The following PPP1R9A variants were observed in gnomAD, a reference collection of about 807,000 sequenced individuals.
PPP1R9A encodes neurabin-1.
Under a neutral mutation model 141.9 loss-of-function variants are expected in PPP1R9A, and 59 were observed. That is an observed-to-expected ratio of 0.42 (90% CI 0.34 to 0.52). The LOEUF is 0.52. Among genes scored for constraint, PPP1R9A ranks in the 20% least tolerant of loss-of-function variants. The pLI, the probability that PPP1R9A is intolerant of heterozygous loss-of-function variation, is 0.10. For missense variants in PPP1R9A, 1,444 were observed against 1,611.9 expected (o/e 0.90, Z 1.78); for synonymous variants, 500 against 569.7 (o/e 0.88, Z 1.74).
chr7:95,146,230 T>G (rs1827585099), intron 4 of PPP1R9A, among the ~76,000 whole-genome samples: 1 of 152,232 alleles, frequency 6.6e-6, no homozygotes, highest in East Asian at 1.9e-4. Flanking sequence ...TGGTTTTGAT[T>G]TGCATTTCTC....
intron 2 of PPP1R9A, among the ~76,000 whole-genome samples, chr7:94,947,677 T>A (rs1796040276): frequency 6.6e-6 from 1 of 152,100 alleles, no homozygotes; most frequent in Non-Finnish European, 1.5e-5. Context: ...TGAGAAGAGT[T>A]CTAGTATATA....
intron 2 of PPP1R9A, among the ~76,000 whole-genome samples, chr7:94,974,647 T>TA (rs919247687): frequency 6.6e-6 from 1 of 152,158 alleles, no homozygotes; most frequent in Non-Finnish European, 1.5e-5. Flanking sequence ...GTTTCTCTTC[T>TA]AAAAAAACAT....
At chr7:95,237,319 C>G (rs1441759385) in intron 8 of PPP1R9A, among the ~76,000 whole-genome samples, 1 of 151,566 alleles carries the variant, frequency 6.6e-6, no homozygotes, top group East Asian at 1.9e-4. Context: ...CTTCGGCCTC[C>G]CAAGTAGCTG....
intron 7 of PPP1R9A, among the ~76,000 whole-genome samples, chr7:95,221,716 T>C (rs1375166578): frequency 6.6e-6 from 1 of 151,930 alleles, no homozygotes; most frequent in African/African-American, 2.4e-5. Context: ...GAGAAGGAAA[T>C]ATAAAAGAGG....
intron 2 of PPP1R9A, among the ~76,000 whole-genome samples, chr7:95,034,493 C>T (rs535972368): frequency 7.2e-5 from 11 of 152,072 alleles, no homozygotes; most frequent in Non-Finnish European, 1.6e-4. Context: ...CTCAGCCTCC[C>T]GAATAGCTGG....
chr7:94,971,953 C>CTT (rs1798899787), intron 2 of PPP1R9A, among the ~76,000 whole-genome samples: 1 of 152,148 alleles, frequency 6.6e-6, no homozygotes. Context: ...TTGAAGAAGG[C>CTT]TTCCATCATT....
At chr7:95,082,548 T>C (rs1816019375) in intron 2 of PPP1R9A, among the ~76,000 whole-genome samples, 1 of 151,794 alleles carries the variant, frequency 6.6e-6, no homozygotes, top group African/African-American at 2.4e-5. Context: ...GAGACCAGCC[T>C]GGGCAACATA....
intron 2 of PPP1R9A, among the ~76,000 whole-genome samples, chr7:94,926,727 C>T (rs1358151166): frequency 6.6e-6 from 1 of 151,530 alleles, no homozygotes; most frequent in African/African-American, 2.4e-5. Flanking sequence ...ATTTCTGTCC[C>T]CCTACTCCCT....
rs897838647 is a variant in PPP1R9A at position 95,103,362 on chromosome 7, C to CTTTTTTTTTTTTTTTTTTTTTTTTTTTT, written c.1396-7879_1396-7878insTTTTTTTTTTTTTTTTTTTTTTTTTTTT. Among the ~76,000 whole-genome samples the CTTTTTTTTTTTTTTTTTTTTTTTTTTTT allele has an allele frequency of 4.7e-4, 42 of 88,820 alleles. 8 individuals are homozygous for CTTTTTTTTTTTTTTTTTTTTTTTTTTTT. Among genetic ancestry groups the CTTTTTTTTTTTTTTTTTTTTTTTTTTTT allele is most frequent in the African/African-American group, 1.6e-3 (34 of 21,360 alleles). 58.3% of individuals were successfully genotyped at this position (88,820 alleles called of 152,430 possible). A position where few individuals can be genotyped will look rare whatever the true frequency, so the allele number is the denominator to read the frequency against. On this transcript the variant is annotated intron_variant, in intron 2 of 19. Transcript: ENST00000433360. The stretch of plus-strand genomic sequence containing the variant: ...GAGTATGTTTGGTTTTTTTTCACTT[C>CTTTTTTTTTTTTTTTTTTTTTTTTTTTT]TTTTTTTTTTTTTTTTTTGAGACAG...
At chr7:95,105,116 A>G (rs184915060) in intron 2 of PPP1R9A, among the ~76,000 whole-genome samples, 4 of 152,330 alleles carry the variant, frequency 2.6e-5, no homozygotes, top group Non-Finnish European at 4.4e-5. Context: ...CCTTCCAGTC[A>G]GTATTTATAG....
intron 5 of PPP1R9A, among the ~76,000 whole-genome samples, chr7:95,184,332 A>G (rs192351859): frequency 6.6e-6 from 1 of 152,288 alleles, no homozygotes; most frequent in Admixed American, 6.5e-5. Flanking sequence ...ATCTGTTTTT[A>G]TTTTTTAGAG....
chr7:95,112,570 A>G (rs1820758972), intron 3 of PPP1R9A, among the ~76,000 whole-genome samples: 1 of 151,802 alleles, frequency 6.6e-6, no homozygotes, highest in East Asian at 1.9e-4. Flanking sequence ...ATCTCCCCAA[A>G]GGAAAAGAAA....
intron 2 of PPP1R9A, among the ~76,000 whole-genome samples, chr7:94,938,642 G>T (rs1334740731): frequency 2.6e-5 from 4 of 152,178 alleles, no homozygotes; most frequent in Middle Eastern, 3.4e-3. Context: ...CAAATTGAAT[G>T]ATTATGCTGT....
intron 4 of PPP1R9A, among the ~76,000 whole-genome samples, chr7:95,146,783 G>A (rs886282770): frequency 4.6e-5 from 7 of 152,106 alleles, no homozygotes; most frequent in Non-Finnish European, 8.8e-5. Context: ...TTTTTGTGAG[G>A]TTTGTCAAAG....
At chr7:94,956,903 G>A (rs1404654052) in intron 2 of PPP1R9A, among the ~76,000 whole-genome samples, 1 of 152,108 alleles carries the variant, frequency 6.6e-6, no homozygotes, top group Non-Finnish European at 1.5e-5. Flanking sequence ...ATCAATTGCA[G>A]AAATATAGGT....
At chr7:95,026,442 C>A (rs1342879999) in intron 2 of PPP1R9A, among the ~76,000 whole-genome samples, 1 of 152,184 alleles carries the variant, frequency 6.6e-6, no homozygotes, top group Non-Finnish European at 1.5e-5. Context: ...CTGTTCCTTG[C>A]TCTGGAAGCT....
chr7:95,237,703 G>A (rs58602684), intron 8 of PPP1R9A, among the ~76,000 whole-genome samples: 40,931 of 151,816 alleles, frequency 0.27, 6,103 homozygotes, highest in South Asian at 0.43. Context: ...CATATATGTT[G>A]AGGATTATTA....
chr7:95,147,662 G>A (rs970774966), intron 4 of PPP1R9A, among the ~76,000 whole-genome samples: 4 of 152,088 alleles, frequency 2.6e-5, no homozygotes, highest in Non-Finnish European at 5.9e-5. Flanking sequence ...TATTTTGAGA[G>A]ATGTGCCATC....
intron 5 of PPP1R9A, among the ~76,000 whole-genome samples, chr7:95,181,897 G>A (rs1166864293): frequency 6.6e-6 from 1 of 150,924 alleles, no homozygotes; most frequent in Non-Finnish European, 1.5e-5. Flanking sequence ...GATGAGATTG[G>A]AGACTATTAT....
Sources: allele counts gnomAD v4.1 joint callset (sites outside exome capture counted in the v4.1 genomes callset), GRCh38; gene constraint gnomAD v4.1.1; transcripts MANE v1.5; gene names NCBI Gene and HGNC (gene_info 2026-07-23, HGNC 2026-07-21).